COPB1: variants seen among roughly 807,000 people sequenced by gnomAD.
COPB1 encodes the protein coat protein complex I subunit beta 1, also known as coatomer subunit beta.
A neutral mutation model predicts 108.7 loss-of-function variants in COPB1; 21 were observed. The ratio of observed to expected loss-of-function variants is 0.19; its 90% CI spans 0.14 to 0.28. The LOEUF (loss-of-function observed/expected upper bound fraction) is 0.28. COPB1 is among the 10% of genes least tolerant of loss of function. COPB1 has a pLI of 1.00. For synonymous variants in COPB1, 378 were observed against 386.8 expected (o/e 0.98, Z 0.27); for missense variants, 919 against 1,141.3 (o/e 0.81, Z 2.81).
At chr11:14,460,794 G>A (rs556813844) in intron 19 of COPB1, among the ~76,000 whole-genome samples, 103 of 152,186 alleles carry the variant, frequency 6.8e-4, no homozygotes, top group African/African-American at 2.4e-3. Context: ...ACGAGCTACC[G>A]TGCCCAGCCT....
At chr11:14,463,991 T>C (rs1402204325) in intron 18 of COPB1, among the ~76,000 whole-genome samples, 1 of 152,198 alleles carries the variant, frequency 6.6e-6, no homozygotes, top group African/African-American at 2.4e-5. Flanking sequence ...CGCAAAAAGA[T>C]ATAATGCTAT....
At position 14,461,244 on chromosome 11, in the gene COPB1, G is replaced by A; in HGVS notation, c.2498C>T (p.Ala833Val). The A allele has an allele frequency of 6.2e-7, 1 of 1,614,152 alleles. No homozygotes were observed. Among genetic ancestry groups the A allele is most frequent in the Non-Finnish European group, 8.5e-7 (1 of 1,180,028 alleles). ...HIDIMDYIQP[A>V]TCTDAEFRQM... The stretch of plus-strand genomic sequence containing the variant: ...ACGGAATTCTGCATCAGTGCAAGTT[G>A]CAGGCTGGATATAGTCCATGATGTC... The change falls in exon 19 of 22, where the codon GCA becomes GTA. Residue 833 changes from alanine to valine, a missense_variant. Transcript: ENST00000439561.
At chr11:14,488,341 T>C in intron 6 of COPB1, 151 bp downstream of exon 6, 1 of 392,738 alleles carries the variant, frequency 2.5e-6, no homozygotes, top group Non-Finnish European at 4.4e-6. Context: ...AAACCAAAAG[T>C]AAAAGAAACA....
At chr11:14,482,304 C>T (rs1850677222) in intron 8 of COPB1, among the ~76,000 whole-genome samples, 1 of 152,156 alleles carries the variant, frequency 6.6e-6, no homozygotes, top group African/African-American at 2.4e-5. Flanking sequence ...ATCAGCACTG[C>T]ATTTACCTGC....
At chr11:14,459,213 T>C (rs1437203760) in intron 20 of COPB1, among the ~76,000 whole-genome samples, 1 of 150,962 alleles carries the variant, frequency 6.6e-6, no homozygotes, top group Non-Finnish European at 1.5e-5. Flanking sequence ...GTTAAATAAA[T>C]AGTTCTTAAT....
At chr11:14,498,799 C>A in intron 2 of COPB1, 39 bp downstream of exon 2, 1 of 1,484,714 alleles carries the variant, frequency 6.7e-7, no homozygotes, top group Non-Finnish European at 9.1e-7. Context: ...TTTGTTTTTT[C>A]TTTTTTCATT....
intron 16 of COPB1, 115 bp downstream of exon 16, chr11:14,468,566 G>T: frequency 1.0e-6 from 1 of 959,574 alleles, no homozygotes; most frequent in Non-Finnish European, 1.6e-6. Flanking sequence ...GAGGTTTAAT[G>T]GACCTATCAC....
At chr11:14,479,778 C>T in intron 10 of COPB1, 64 bp from the exon 11 acceptor site, 1 of 1,400,388 alleles carries the variant, frequency 7.1e-7, no homozygotes, top group Non-Finnish European at 9.7e-7. Context: ...TTATCTAGGA[C>T]AAGAAATAAA....
chr11:14,491,456 G>A (rs897562088), intron 4 of COPB1, among the ~76,000 whole-genome samples: 8 of 152,170 alleles, frequency 5.3e-5, no homozygotes, highest in Non-Finnish European at 1.0e-4. Flanking sequence ...GATCACCTGA[G>A]GGTGGGAGTT....
At chr11:14,487,553 T>G (rs535540774) in intron 6 of COPB1, among the ~76,000 whole-genome samples, 52 of 151,992 alleles carry the variant, frequency 3.4e-4, no homozygotes, top group Non-Finnish European at 6.0e-4. Flanking sequence ...CGTGCACCTG[T>G]AATCCCAGCT....
rs954187811 is a variant in COPB1, at chr11:14,483,027, C to T, written c.957+5G>A. The T allele has an allele frequency of 3.9e-6, 6 of 1,539,954 alleles. No individual in the cohort carries two copies. In the African/African-American group the frequency reaches 6.9e-5, roughly 18 times the overall value. ...TAGGATCTCTCTTTTTCAGATAACA[C>T]TTACCTGTAGTACTCGTTCATGAGC... On this transcript the variant is annotated splice_donor_5th_base_variant and intron_variant, in intron 8 of 21. Coordinates refer to ENST00000439561, the MANE Select transcript of COPB1 (RefSeq NM_001144061.2).
chr11:14,469,548 C>T lies in COPB1; in HGVS notation c.1753G>A (p.Ala585Thr), dbSNP rs1030011972. The T allele has an allele frequency of 1.2e-6, 2 of 1,613,872 alleles. No homozygotes were observed. The highest frequency in any genetic ancestry group is 2.7e-5 in the African/African-American group (2 of 74,906). Residue 585 changes from alanine (A) to threonine (T), a missense_variant, in exon 15 of 22, where the codon GCT (alanine) becomes ACT (threonine). Physicochemically the swap from Ala to Thr is moderately conservative, Grantham distance 58 (BLOSUM62 0). Transcript: ENST00000439561. ...AGGATAGTAGCCATGAGCAACATAGCCTCAGCAACAAAAGACTAAGAAAGT... is the reference window on the plus strand; with the variant it reads ...AGGATAGTAGCCATGAGCAACATAGTCTCAGCAACAAAAGACTAAGAAAGT... ...KKKQNSFVAE[A>T]MLLMATILHL...
At position 14,477,762 on chromosome 11, in the gene COPB1, G is replaced by A. The variant is rs184975588; in HGVS notation, c.1359-747C>T. Among the ~76,000 whole-genome samples, 386 of 152,070 alleles carry A rather than the reference G, an allele frequency of 2.5e-3. 1 individual carries two copies. The highest frequency in any genetic ancestry group is 8.9e-3 in the African/African-American group (368 of 41,486). On this transcript the variant is annotated intron_variant, in intron 11 of 21. Coordinates refer to ENST00000439561, the MANE Select transcript of COPB1 (RefSeq NM_001144061.2). ...ATACAAAAAAAATTTGCTGGATGCA[G>A]TGGCACGCACCTGTAGTCCAGATAC...
At chr11:14,477,193 C>T (rs1850539654) in intron 11 of COPB1, among the ~76,000 whole-genome samples, 178 bp from the exon 12 acceptor site, 1 of 151,094 alleles carries the variant, frequency 6.6e-6, no homozygotes, top group Non-Finnish European at 1.5e-5. Context: ...ACCATCCTGG[C>T]TAACATGGTG....
In COPB1 at chr11:14,498,831, A is replaced by T; in HGVS notation, c.91+7T>A. On this transcript the variant is annotated splice_region_variant and intron_variant, in intron 2 of 21. Coordinates refer to ENST00000439561, the MANE Select transcript of COPB1 (RefSeq NM_001144061.2). ...CATTTCATTCTCAAAATAATATCGA[A>T]GTTTACCTAGATCATTTTTTAAGCT... 1 of 1,582,404 alleles carries T rather than the reference A, an allele frequency of 6.3e-7. No individual in the cohort carries two copies. Among genetic ancestry groups the T allele is most frequent in the African/African-American group, 1.4e-5 (1 of 73,468 alleles).
Position 14,458,003 on chromosome 11 carries a change from C to T in COPB1, c.2803-120G>A, listed in dbSNP as rs1219607377. On this transcript the variant is annotated intron_variant, in intron 21 of 21. Transcript: ENST00000439561. ...CCATTATCAACAATAAAATCAAGGACATACCAAACAGACTTACCAAACTTT... is the reference window on the plus strand; with the variant it reads ...CCATTATCAACAATAAAATCAAGGATATACCAAACAGACTTACCAAACTTT... 8.3e-6 allele frequency: 4 copies of T among 481,002 alleles called. No homozygotes were observed. In the South Asian group the frequency reaches 1.4e-4, roughly 17 times the overall value. 29.8% of individuals were successfully genotyped at this position (481,002 alleles called of 1,614,324 possible). A position where few individuals can be genotyped will look rare whatever the true frequency, so the allele number is the denominator to read the frequency against.
rs550879974 is a variant in COPB1, at chr11:14,473,202, T to C, written c.1737+1293A>G. ...GTTGGCCAGGCTGGTCTCGAACTCC[T>C]GACCTCGTGATCCGCCTGTCTCGGG... On this transcript the variant is annotated intron_variant, in intron 14 of 21. Transcript: ENST00000439561. 1.8e-4 allele frequency among the ~76,000 whole-genome samples: 27 copies of C among 152,312 alleles called. 1 individual carries two copies. The South Asian group carries it at 5.0e-3, about 28-fold the overall frequency.
At chr11:14,481,975 A>C (rs1850671154) in intron 8 of COPB1, among the ~76,000 whole-genome samples, 1 of 152,012 alleles carries the variant, frequency 6.6e-6, no homozygotes, top group Non-Finnish European at 1.5e-5. Flanking sequence ...TTTAATGGAG[A>C]CAGGGAGGGT....
intron 18 of COPB1, 115 bp from the exon 19 acceptor site, chr11:14,461,446 ATACT>A: frequency 9.5e-7 from 1 of 1,049,274 alleles, no homozygotes; most frequent in Non-Finnish European, 1.4e-6. Context: ...TGTTTATATA[ATACT>A]TATTATGTAC....
Sources: allele counts gnomAD v4.1 joint callset (sites outside exome capture counted in the v4.1 genomes callset), GRCh38; gene constraint gnomAD v4.1.1; transcripts MANE v1.5; gene names NCBI Gene and HGNC (gene_info 2026-07-23, HGNC 2026-07-21).